Variants in RYR2 observed in about 807,000 individuals in gnomAD.
RYR2 encodes cardiac muscle ryanodine receptor-calcium release channel.
RYR2 carries 227 observed loss-of-function variants against 601.1 expected under a neutral mutation model. The ratio of observed to expected loss-of-function variants is 0.38; its 90% CI spans 0.34 to 0.42. The LOEUF is 0.42. Ranked by LOEUF, RYR2 falls within the 10% of genes least tolerant of loss-of-function variation. The pLI, the probability that RYR2 is intolerant of heterozygous loss-of-function variation, is 1.00. For synonymous variants in RYR2, 2,223 were observed against 2,175.1 expected, an observed-to-expected ratio of 1.02 and a Z score of -0.61; for missense variants, 4,646 against 6,156.5, an observed-to-expected ratio of 0.75 and a Z score of 8.21.
rs1688259353 is a variant in RYR2 at position 237,705,069 on chromosome 1, T to A, written c.9450-144T>A. 7.4e-6 allele frequency: 5 copies of A among 678,210 alleles called. No homozygotes were observed. In the South Asian group the frequency reaches 9.8e-5, roughly 13 times the overall value. 42.0% of individuals were successfully genotyped at this position (678,210 alleles called of 1,614,324 possible). The stretch of plus-strand genomic sequence containing the variant: ...ATTGCTATTGAAAGCATATGATGTT[T>A]AGCAATACAGAAATTGGATTTGGGA... On this transcript the variant is annotated intron_variant, in intron 66 of 104. Coordinates refer to ENST00000366574, the MANE Select transcript of RYR2 (RefSeq NM_001035.3).
intron 56 of RYR2, among the ~76,000 whole-genome samples, chr1:237,663,355 T>G (rs1049982126): frequency 4.7e-4 from 71 of 152,236 alleles, no homozygotes; most frequent in African/African-American, 1.7e-3. Flanking sequence ...ACACTTTTTA[T>G]AGCATCATTT....
intron 82 of RYR2, among the ~76,000 whole-genome samples, chr1:237,758,459 G>A (rs1209474370): frequency 6.6e-6 from 1 of 151,978 alleles, no homozygotes; most frequent in Non-Finnish European, 1.5e-5. Flanking sequence ...CCCGTAAATG[G>A]CTATATGGTT....
intron 10 of RYR2, among the ~76,000 whole-genome samples, chr1:237,391,696 C>G (rs1020147253): frequency 6.6e-6 from 1 of 152,024 alleles, no homozygotes; most frequent in African/African-American, 2.4e-5. Flanking sequence ...TTTTATGATT[C>G]TGGATATCAG....
intron 1 of RYR2, among the ~76,000 whole-genome samples, chr1:237,265,087 G>A (rs1475150646): frequency 2.0e-5 from 3 of 152,110 alleles, no homozygotes; most frequent in African/African-American, 7.2e-5. Flanking sequence ...AATGTTATGG[G>A]AGCACAAAAC....
At chr1:237,792,780 TCACC>T (rs751533957) in intron 94 of RYR2, among the ~76,000 whole-genome samples, 11 of 152,182 alleles carry the variant, frequency 7.2e-5, no homozygotes, top group Admixed American at 4.6e-4. Flanking sequence ...AGAAGTGAGC[TCACC>T]CACCCACTAT....
chr1:237,551,150 A>G (rs1482930733), intron 27 of RYR2, among the ~76,000 whole-genome samples: 3 of 152,236 alleles, frequency 2.0e-5, no homozygotes, highest in Admixed American at 2.0e-4. Flanking sequence ...ATTACAATAG[A>G]TACTCAATAA....
At chr1:237,567,020 T>C (rs1672154273) in intron 28 of RYR2, among the ~76,000 whole-genome samples, 1 of 152,174 alleles carries the variant, frequency 6.6e-6, no homozygotes, top group Admixed American at 6.5e-5. Flanking sequence ...TCTTTGTCTA[T>C]CAAAATGTTA....
At chr1:237,744,851 C>A (rs1180903340) in intron 80 of RYR2, among the ~76,000 whole-genome samples, 2 of 145,980 alleles carry the variant, frequency 1.4e-5, no homozygotes, top group Non-Finnish European at 3.0e-5. Context: ...GGCTGGAGTG[C>A]AGTGGCAGGA....
intron 10 of RYR2, among the ~76,000 whole-genome samples, chr1:237,413,731 A>C (rs1704665510): frequency 6.6e-6 from 1 of 152,084 alleles, no homozygotes; most frequent in Admixed American, 6.6e-5. Flanking sequence ...TACATAATTT[A>C]CACTCTTGCA....
chr1:237,418,039 A>T (rs77909596), intron 11 of RYR2, among the ~76,000 whole-genome samples: 45,533 of 151,376 alleles, frequency 0.3, 7,678 homozygotes, highest in East Asian at 0.43. Flanking sequence ...ATATTTAATT[A>T]ATTAATTTAT....
chr1:237,564,723 G>C (rs1372062327), intron 27 of RYR2, among the ~76,000 whole-genome samples: 1 of 152,158 alleles, frequency 6.6e-6, no homozygotes, highest in Non-Finnish European at 1.5e-5. Flanking sequence ...CCATAGAAAT[G>C]TTTCTCTGAT....
chr1:237,217,158 A>G (rs931282848), intron 1 of RYR2, among the ~76,000 whole-genome samples: 2 of 152,174 alleles, frequency 1.3e-5, no homozygotes, highest in African/African-American at 4.8e-5. Context: ...CTGGTAGGAC[A>G]CTGAGTATCA....
intron 61 of RYR2, among the ~76,000 whole-genome samples, chr1:237,679,085 C>T (rs905562550): frequency 6.6e-6 from 1 of 152,056 alleles, no homozygotes; most frequent in Non-Finnish European, 1.5e-5. Context: ...TTTGAAGATC[C>T]AAAGTTTGTC....
chr1:237,492,657 A>G (rs1159951977), intron 18 of RYR2, among the ~76,000 whole-genome samples: 4 of 152,140 alleles, frequency 2.6e-5, no homozygotes, highest in African/African-American at 9.6e-5. Flanking sequence ...CCTGGGTAAT[A>G]TAGCAATACC....
chr1:237,545,953 T>A (rs1406728838), intron 25 of RYR2, among the ~76,000 whole-genome samples: 2 of 150,402 alleles, frequency 1.3e-5, no homozygotes, highest in African/African-American at 4.9e-5. Context: ...ATATATATAT[T>A]AATGTTTTGG....
chr1:237,718,600 A>T lies in RYR2; in HGVS notation c.10554+79A>T. On this transcript the variant is annotated intron_variant, in intron 73 of 104. Transcript: ENST00000366574. ...TCTCTTTAAAATAATACTATAAATA[A>T]TGTTACTTTAAACATTAAGGTAATA... 4.4e-6 allele frequency: 3 copies of T among 684,442 alleles called. No individual in the cohort carries two copies. The South Asian group carries it at 6.4e-5, about 15-fold the overall frequency. 42.4% of individuals were successfully genotyped at this position (684,442 alleles called of 1,614,324 possible). A position where few individuals can be genotyped will look rare whatever the true frequency, so the allele number is the denominator to read the frequency against.
intron 8 of RYR2, among the ~76,000 whole-genome samples, chr1:237,382,307 G>C (rs949818599): frequency 6.6e-6 from 1 of 152,160 alleles, no homozygotes; most frequent in Non-Finnish European, 1.5e-5. Context: ...ATGCTTAAGA[G>C]AAAGCTATTC....
At chr1:237,197,875 G>A (rs957639346) in intron 1 of RYR2, among the ~76,000 whole-genome samples, 3 of 152,234 alleles carry the variant, frequency 2.0e-5, no homozygotes, top group Non-Finnish European at 4.4e-5. Flanking sequence ...ATCTAAGGAT[G>A]TGAGTTTGCA....
Position 237,454,377 on chromosome 1 carries a change from A to T in RYR2, c.1293-14A>T, listed in dbSNP as rs752527636. On this transcript the variant is annotated splice_polypyrimidine_tract_variant and intron_variant, in intron 14 of 104. Coordinates refer to ENST00000366574, the MANE Select transcript of RYR2 (RefSeq NM_001035.3). ...AATCACTGACAATAGAGAAATGTTT[A>T]TGGTTTATTTTAGGGGCCTTGATGC... The T allele has an allele frequency of 3.2e-6, 5 of 1,580,566 alleles. No individual in the cohort carries two copies. The highest frequency in any genetic ancestry group is 1.4e-5 in the African/African-American group (1 of 73,150).
Sources: allele counts gnomAD v4.1 joint callset (sites outside exome capture counted in the v4.1 genomes callset), GRCh38; gene constraint gnomAD v4.1.1; transcripts MANE v1.5; gene names NCBI Gene and HGNC (gene_info 2026-07-23, HGNC 2026-07-21).